TMCC2: variants seen among roughly 807,000 people sequenced by gnomAD.
The protein encoded by TMCC2 is transmembrane and coiled-coil domain family 2.
Under a neutral mutation model 49.4 loss-of-function variants are expected in TMCC2, and 16 were observed. That is an observed-to-expected ratio of 0.32 (90% confidence interval 0.22 to 0.49). The LOEUF is 0.49. Ranked by LOEUF, TMCC2 falls within the 20% of genes least tolerant of loss-of-function variation. The pLI is 0.99. For missense variants in TMCC2, 762 were observed against 989.8 expected (o/e 0.77, Z 3.09); for synonymous variants, 397 against 434.1 (o/e 0.91, Z 1.06).
chr1:205,240,771 G>T (rs1197991145), intron 1 of TMCC2, among the ~76,000 whole-genome samples: 1 of 152,160 alleles, frequency 6.6e-6, no homozygotes, highest in Admixed American at 6.5e-5. Context: ...TCCCATTCCA[G>T]ATGGGAAGAT....
chr1:205,246,041 T>C (rs1159683472), intron 2 of TMCC2, among the ~76,000 whole-genome samples: 4 of 152,204 alleles, frequency 2.6e-5, no homozygotes, highest in Admixed American at 2.6e-4. Flanking sequence ...CCTCCCGAAG[T>C]GCTGTGAACG....
chr1:205,251,599 G>A (rs1316103369), intron 2 of TMCC2, among the ~76,000 whole-genome samples: 1 of 152,206 alleles, frequency 6.6e-6, no homozygotes, highest in East Asian at 1.9e-4. Context: ...ATCCTGCCCT[G>A]GAAAGACAAG....
chr1:205,245,799 AT>A (rs1230935167), intron 2 of TMCC2, among the ~76,000 whole-genome samples: 4,653 of 139,456 alleles, frequency 0.033, 162 homozygotes, highest in African/African-American at 0.093. Context: ...AGATATCCCA[AT>A]TTTTTTTTTT....
chr1:205,232,217 A>G (rs774955810), intron 1 of TMCC2, among the ~76,000 whole-genome samples: 2 of 152,168 alleles, frequency 1.3e-5, no homozygotes, highest in Non-Finnish European at 2.9e-5. Context: ...CAATTTTAAA[A>G]CTGTAATTGA....
At chr1:205,266,031 G>A (rs1661309344) in intron 2 of TMCC2, among the ~76,000 whole-genome samples, 3 of 149,068 alleles carry the variant, frequency 2.0e-5, no homozygotes, top group Middle Eastern at 3.5e-3. Flanking sequence ...CATGAGGTCA[G>A]GAGATCGCGA....
Position 205,228,784 on chromosome 1 carries a change from C to G in TMCC2, c.207+13C>G. On this transcript the variant is annotated intron_variant, in intron 1 of 4. Coordinates refer to ENST00000358024, the MANE Select transcript of TMCC2 (RefSeq NM_014858.4). Reference sequence around the variant, plus strand: ...TCCTGATTTAAAGGTGAGCGCAGACCATCCCCCCGGCAAGCCCAGCCCGCG... The same window carrying G: ...TCCTGATTTAAAGGTGAGCGCAGACGATCCCCCCGGCAAGCCCAGCCCGCG... The G allele has an allele frequency of 1.3e-6, 2 of 1,581,296 alleles. No homozygotes were observed. The highest frequency in any genetic ancestry group is 1.7e-6 in the Non-Finnish European group (2 of 1,164,292).
At chr1:205,229,918 T>G (rs868229013) in intron 1 of TMCC2, 1 of 985,472 alleles carries the variant, frequency 1.0e-6, no homozygotes, top group South Asian at 4.7e-5. Flanking sequence ...CTCAGGCTTC[T>G]CAAGCCAGCT....
At chr1:205,231,173 C>T (rs2102516979) in intron 1 of TMCC2, among the ~76,000 whole-genome samples, 1 of 152,162 alleles carries the variant, frequency 6.6e-6, no homozygotes, top group African/African-American at 2.4e-5. Flanking sequence ...CAAGGGACTT[C>T]CAACCAGATG....
At chr1:205,245,457 C>A (rs1660419725) in intron 2 of TMCC2, among the ~76,000 whole-genome samples, 1 of 152,114 alleles carries the variant, frequency 6.6e-6, no homozygotes, top group Non-Finnish European at 1.5e-5. Context: ...GGATGTGAGG[C>A]CCCGTGGATT....
chr1:205,264,873 G>A lies in TMCC2; in HGVS notation c.748-4077G>A, dbSNP rs1368485170. ...GGATGTGGAATTCTCAGATACAGAA[G>A]GCTAACTATAATTGTTATCCTTATC... On this transcript the variant is annotated intron_variant, in intron 2 of 4. Coordinates refer to ENST00000358024, the MANE Select transcript of TMCC2 (RefSeq NM_014858.4). This position sits in a 1 kb window ranked among gnomAD's most constrained non-coding sequence, Gnocchi z 4.2. Among the ~76,000 whole-genome samples the A allele has an allele frequency of 2.0e-5, 3 of 152,108 alleles. No homozygotes were observed. The East Asian group carries it at 5.8e-4, about 29-fold the overall frequency.
Position 205,233,010 on chromosome 1 carries a change from AC to A in TMCC2, c.207+4241del, listed in dbSNP as rs1233572855. On this transcript the variant is annotated intron_variant, in intron 1 of 4. Coordinates refer to ENST00000358024, the MANE Select transcript of TMCC2 (RefSeq NM_014858.4). The stretch of plus-strand genomic sequence containing the variant: ...ACAACAACCGAAAAAAAAAAAAAAA[AC>A]CACAACGTGTGGTAGATACTTCTGA... Among the ~76,000 whole-genome samples, 34 of 121,588 alleles carry A rather than the reference AC, an allele frequency of 2.8e-4. No individual in the cohort carries two copies. In the East Asian group the frequency reaches 5.4e-3, roughly 19 times the overall value. The allele number at this position is 121,588 out of a possible 152,430, so 79.8% of individuals were successfully genotyped here.
At chr1:205,271,522 AAAT>A (rs1289276938) in intron 4 of TMCC2, among the ~76,000 whole-genome samples, 2 of 152,244 alleles carry the variant, frequency 1.3e-5, no homozygotes, top group Non-Finnish European at 2.9e-5. Flanking sequence ...GCAGCTTCGC[AAAT>A]GAGTATTTGG....
Position 205,272,037 on chromosome 1 carries a change from C to T in TMCC2, c.2043C>T (p.Thr681=). 1 of 1,614,234 alleles carries T rather than the reference C, an allele frequency of 6.2e-7. No homozygotes were observed. Among genetic ancestry groups the T allele is most frequent in the Admixed American group, 1.7e-5 (1 of 60,028 alleles). The stretch of plus-strand genomic sequence containing the variant: ...AGACACGCCTGCGCATCACCAGCAC[C>T]ACCCTCCTGGTCCTCGTCCTGTTCC... ...LMKTRLRITS[T]TLLVLVLFLL... Residue 681 remains threonine (T), a synonymous_variant, in exon 5 of 5, where the codon ACC becomes ACT. Transcript: ENST00000358024.
At position 205,269,877 on chromosome 1, in the gene TMCC2, C is replaced by T. The variant is rs200823989; in HGVS notation, c.1675C>T (p.Arg559Cys). The T allele has an allele frequency of 1.1e-5, 17 of 1,611,562 alleles. No homozygotes were observed. The East Asian group carries it at 3.8e-4, about 36-fold the overall frequency. ...CATGACCCAGTGCCTGCAGGAGGAG[C>T]GCTACAGGTAGGTGCCTGCCCACCC... ...TYMTQCLQEERYRYERLEEQL... is the reference protein window; with the variant it reads ...TYMTQCLQEECYRYERLEEQL... Residue 559 changes from arginine (R) to cysteine (C), a missense_variant, in exon 3 of 5, where the codon CGC becomes TGC. Arg to Cys is a radical substitution (Grantham distance 180). This residue lies in a region of TMCC2 where 440 missense variants were observed against 636.7 expected (regional missense o/e 0.69). Coordinates refer to ENST00000358024, the MANE Select transcript of TMCC2 (RefSeq NM_014858.4).
chr1:205,229,562 T>TGGGGGGGGG (rs1659707258), intron 1 of TMCC2: 2 of 453,360 alleles, frequency 4.4e-6, no homozygotes, highest in Non-Finnish European at 4.8e-6. Flanking sequence ...GGGGGGGTGG[T>TGGGGGGGGG]GGCGGGGGCG....
chr1:205,256,418 TGA>T, intron 2 of TMCC2: 3 of 1,550,898 alleles, frequency 1.9e-6, no homozygotes, highest in Non-Finnish European at 2.6e-6. Flanking sequence ...GAGACTGCTG[TGA>T]GTTTCCCATC....
chr1:205,271,782 C>T (rs755513857), intron 4 of TMCC2, 31 bp from the exon 5 acceptor site: 50 of 1,594,856 alleles, frequency 3.1e-5, no homozygotes, highest in Non-Finnish European at 3.8e-5. Flanking sequence ...CCATCCTGAG[C>T]GCACACATGC....
In TMCC2 at chr1:205,272,023, C is replaced by G; in HGVS notation, c.2029C>G (p.Arg677Gly). 1.9e-6 allele frequency: 3 copies of G among 1,614,220 alleles called. No homozygotes were observed. The highest frequency in any genetic ancestry group is 1.7e-6 in the Non-Finnish European group (2 of 1,180,040). Residue 677 changes from arginine (R) to glycine (G), a missense_variant, in exon 5 of 5, where the codon CGC (arginine) becomes GGC (glycine). Arg to Gly is a moderately radical substitution (Grantham distance 125, BLOSUM62 -2). Around this residue, in one of 2 missense-constraint regions of TMCC2, gnomAD observed 440 missense variants for 636.7 expected, o/e 0.69. Transcript: ENST00000358024. Reference sequence around the variant, plus strand: ...CACGCCCCTCATGAAGACACGCCTGCGCATCACCAGCACCACCCTCCTGGT... The same window carrying G: ...CACGCCCCTCATGAAGACACGCCTGGGCATCACCAGCACCACCCTCCTGGT... ...FITPLMKTRL[R>G]ITSTTLLVLV...
At chr1:205,256,376 C>A (rs1558652234) in intron 2 of TMCC2, 8 of 1,551,086 alleles carry the variant, frequency 5.2e-6, no homozygotes, top group South Asian at 1.2e-5. Flanking sequence ...GAATTTCCTG[C>A]TGGCACTGTC....
Sources: allele counts gnomAD v4.1 joint callset (sites outside exome capture counted in the v4.1 genomes callset), GRCh38; gene constraint gnomAD v4.1.1; regional missense constraint gnomAD v4.1.1; non-coding constraint Gnocchi (gnomAD v3.1); transcripts MANE v1.5; gene names NCBI Gene and HGNC (gene_info 2026-07-23, HGNC 2026-07-21).